GRM1: variants seen among roughly 807,000 people sequenced by gnomAD.
GRM1 encodes glutamate metabotropic receptor 1.
GRM1 carries 33 observed loss-of-function variants against 90.9 expected under a neutral mutation model. The ratio of observed to expected loss-of-function variants is 0.36; its 90% CI spans 0.28 to 0.49. GRM1 has a LOEUF of 0.49. GRM1 is among the 20% of genes least tolerant of loss of function. The pLI, the probability that GRM1 is intolerant of heterozygous loss-of-function variation, is 0.99. For missense variants in GRM1, 1,190 were observed against 1,534.3 expected (o/e 0.78, Z 3.75); for synonymous variants, 700 against 613.2 (o/e 1.14, Z -2.09).
intron 1 of GRM1, among the ~76,000 whole-genome samples, chr6:146,066,752 A>AG (rs1775861264): frequency 1.4e-5 from 2 of 146,496 alleles, no homozygotes; most frequent in South Asian, 4.5e-4. Flanking sequence ...TTTACATAAT[A>AG]ATAGACAGAC....
chr6:146,349,937 G>A (rs531035338), intron 3 of GRM1, among the ~76,000 whole-genome samples: 1 of 152,162 alleles, frequency 6.6e-6, no homozygotes, highest in Admixed American at 6.5e-5. Flanking sequence ...ATAAGACACA[G>A]TTAGAAGGCA....
At chr6:146,102,975 A>G (rs1219957968) in intron 1 of GRM1, among the ~76,000 whole-genome samples, 10 of 152,150 alleles carry the variant, frequency 6.6e-5, no homozygotes, top group African/African-American at 2.4e-5. Flanking sequence ...ATATTTGGGG[A>G]TACCTCAGTT....
chr6:146,168,425 A>G (rs1445554034), intron 2 of GRM1, among the ~76,000 whole-genome samples: 1 of 151,988 alleles, frequency 6.6e-6, no homozygotes, highest in East Asian at 1.9e-4. Flanking sequence ...TTTTATTTCT[A>G]TATCTATTCT....
rs909271464 is a variant in GRM1, at chr6:146,216,389, T to TA, written c.950+56800dup. 2.2e-4 allele frequency among the ~76,000 whole-genome samples: 34 copies of TA among 152,184 alleles called. 1 individual carries two copies. Among genetic ancestry groups the TA allele is most frequent in the South Asian group, 1.9e-3 (9 of 4,822 alleles). On this transcript the variant is annotated intron_variant, in intron 2 of 7. Transcript: ENST00000282753. ...TAAATCTGAAATAGATAATTAGTGGTAAAAAAAACATAGTAGACTTCTGCT... is the reference window on the plus strand; with the variant it reads ...TAAATCTGAAATAGATAATTAGTGGTAAAAAAAAACATAGTAGACTTCTGCT...
At position 146,386,890 on chromosome 6, in the gene GRM1, G is replaced by A. The variant is rs370801324; in HGVS notation, c.1603G>A (p.Val535Ile). 14 of 1,606,262 alleles carry A rather than the reference G, an allele frequency of 8.7e-6. No individual in the cohort carries two copies. The African/African-American group carries it at 1.2e-4, about 14-fold the overall frequency. The change falls in exon 6 of 8, where the codon GTT becomes ATT. Residue 535 changes from valine (V) to isoleucine (I), a missense_variant and splice_region_variant. Coordinates refer to ENST00000282753, the MANE Select transcript of GRM1 (RefSeq NM_001278064.2). ...AATTCATGAAATATCTATGTTATAG[G>A]TTATACGGAAAGGAGAAGTGAGCTG... ...SEPCLKGQIK[V>I]IRKGEVSCCW... is the part of the protein sequence containing the mutation.
chr6:146,348,778 CA>C (rs1374842055), intron 3 of GRM1, among the ~76,000 whole-genome samples: 1 of 152,190 alleles, frequency 6.6e-6, no homozygotes, highest in Non-Finnish European at 1.5e-5. Context: ...AGTCCTAAAC[CA>C]GGCTTGACAA....
Position 146,352,381 on chromosome 6 carries a change from G to A in GRM1, c.1318G>A (p.Asp440Asn), listed in dbSNP as rs752974265. Residue 440 changes from aspartate to asparagine, a missense_variant, in exon 4 of 8, where the codon GAT becomes AAT. This residue lies in a region of GRM1 where 414 missense variants were observed against 598.4 expected (regional missense o/e 0.69). Coordinates refer to ENST00000282753, the MANE Select transcript of GRM1 (RefSeq NM_001278064.2). ...ALCPGHVGLC[D>N]AMKPIDGSKL... is the part of the protein sequence containing the mutation. ...CTGCCCTGGCCACGTGGGCCTCTGCGATGCCATGAAGCCCATCGACGGCAG... is the reference window on the plus strand; with the variant it reads ...CTGCCCTGGCCACGTGGGCCTCTGCAATGCCATGAAGCCCATCGACGGCAG... 5.0e-5 allele frequency: 81 copies of A among 1,614,032 alleles called. No homozygotes were observed. The highest frequency in any genetic ancestry group is 3.8e-4 in the Admixed American group (23 of 60,008).
At chr6:146,187,183 T>C (rs561616969) in intron 2 of GRM1, among the ~76,000 whole-genome samples, 1 of 152,262 alleles carries the variant, frequency 6.6e-6, no homozygotes, top group South Asian at 2.1e-4. Context: ...ATGCTAGTGT[T>C]TGCACAGGTA....
At chr6:146,162,494 A>G (rs1777764284) in intron 2 of GRM1, among the ~76,000 whole-genome samples, 1 of 152,114 alleles carries the variant, frequency 6.6e-6, no homozygotes, top group Admixed American at 6.6e-5. Flanking sequence ...AGCCACGATC[A>G]TTTTCCCTTG....
chr6:146,219,020 A>AT (rs1448453538), intron 2 of GRM1, among the ~76,000 whole-genome samples: 1 of 152,182 alleles, frequency 6.6e-6, no homozygotes, highest in Non-Finnish European at 1.5e-5. Flanking sequence ...TTTAGAAATG[A>AT]TTTTTTGATT....
chr6:146,108,045 A>G (rs1005541868), intron 1 of GRM1, among the ~76,000 whole-genome samples: 8 of 152,208 alleles, frequency 5.3e-5, no homozygotes, highest in African/African-American at 4.8e-5. Flanking sequence ...AATGTATATA[A>G]ATATATGTGA....
intron 2 of GRM1, among the ~76,000 whole-genome samples, chr6:146,263,128 C>T (rs938823598): frequency 4.6e-5 from 7 of 151,848 alleles, no homozygotes; most frequent in Admixed American, 6.6e-5. Context: ...TTCTTAGAAA[C>T]GTATCAGGAT....
At chr6:146,419,137 CAT>C (rs1777896981) in intron 7 of GRM1, among the ~76,000 whole-genome samples, 1 of 152,138 alleles carries the variant, frequency 6.6e-6, no homozygotes, top group African/African-American at 2.4e-5. Flanking sequence ...GTGAAGGAAA[CAT>C]ATGCAAGATT....
intron 2 of GRM1, among the ~76,000 whole-genome samples, chr6:146,303,248 C>A (rs186356063): frequency 2.5e-4 from 38 of 152,236 alleles, no homozygotes; most frequent in Admixed American, 2.4e-3. Flanking sequence ...GAGAAGCAAG[C>A]AATAAAATGC....
chr6:146,227,430 A>G (rs531906225), intron 2 of GRM1, among the ~76,000 whole-genome samples: 13 of 152,346 alleles, frequency 8.5e-5, no homozygotes, highest in Non-Finnish European at 1.8e-4. Context: ...TGACAAATGT[A>G]TAATGACATG....
At chr6:146,316,361 A>C (rs1176970162) in intron 3 of GRM1, among the ~76,000 whole-genome samples, 1 of 152,216 alleles carries the variant, frequency 6.6e-6, no homozygotes, top group Admixed American at 6.5e-5. Context: ...TAATCTCTCC[A>C]TCTCAAGGGA....
At chr6:146,140,767 T>A (rs1252747916) in intron 1 of GRM1, among the ~76,000 whole-genome samples, 4 of 152,252 alleles carry the variant, frequency 2.6e-5, no homozygotes, top group Non-Finnish European at 5.9e-5. Flanking sequence ...TTAACTTTTT[T>A]TAACAGAAGT....
At chr6:146,278,321 C>T (rs1051015109) in intron 2 of GRM1, among the ~76,000 whole-genome samples, 12 of 152,136 alleles carry the variant, frequency 7.9e-5, no homozygotes, top group African/African-American at 2.7e-4. Flanking sequence ...GAGATTACTC[C>T]AGGCATACTA....
In GRM1 at chr6:146,128,264, G is replaced by C. The variant is rs546633273; in HGVS notation, c.701-31084G>C. On this transcript the variant is annotated intron_variant, in intron 1 of 7. Transcript: ENST00000282753. ...ACGTTGTAGGAAGAACATGTGGAAGGGGATATATCCCTGGGGCCATCTTTA... is the reference window on the plus strand; with the variant it reads ...ACGTTGTAGGAAGAACATGTGGAAGCGGATATATCCCTGGGGCCATCTTTA... Among the ~76,000 whole-genome samples the C allele has an allele frequency of 2.0e-5, 3 of 152,244 alleles. No individual in the cohort carries two copies. In the South Asian group the frequency reaches 6.2e-4, roughly 32 times the overall value.
Sources: allele counts gnomAD v4.1 joint callset (sites outside exome capture counted in the v4.1 genomes callset), GRCh38; gene constraint gnomAD v4.1.1; regional missense constraint gnomAD v4.1.1; transcripts MANE v1.5; gene names NCBI Gene and HGNC (gene_info 2026-07-23, HGNC 2026-07-21).